Variants in WDR44 observed in about 807,000 individuals in gnomAD.
The protein encoded by WDR44 is WD repeat domain 44, also known as WD repeat-containing protein 44.
In WDR44, 9 loss-of-function variants were observed where a neutral mutation model predicts 65.7. That is an observed-to-expected ratio of 0.14 (90% CI 0.08 to 0.24). WDR44 has a LOEUF of 0.24. Among genes scored for constraint, WDR44 ranks in the 10% least tolerant of loss-of-function variants. The probability of loss-of-function intolerance (pLI) is 1.00; values close to 1 mark genes in which losing one functional copy is unlikely to be tolerated. For synonymous variants in WDR44, 220 were observed against 235.2 expected (o/e 0.94, Z 0.59); for missense variants, 425 against 670.9 (o/e 0.63, Z 4.05).
intron 7 of WDR44, 50 bp downstream of exon 7, chrX:118,397,156 A>G: frequency 9.4e-7 from 1 of 1,064,744 alleles, no homozygotes; most frequent in Non-Finnish European, 1.2e-6. Flanking sequence ...AGAGTTGTTA[A>G]GATTTCTCTG....
intron 12 of WDR44, among the ~76,000 whole-genome samples, chrX:118,429,650 C>G (rs756345763): frequency 2.5e-4 from 27 of 109,580 alleles, no homozygotes; most frequent in Admixed American, 2.2e-3. Flanking sequence ...GATTCATGTT[C>G]CAGGGCATTC....
intron 12 of WDR44, among the ~76,000 whole-genome samples, chrX:118,413,370 A>G (rs764936714): frequency 2.7e-5 from 3 of 111,965 alleles, no homozygotes; most frequent in Non-Finnish European, 5.6e-5. Context: ...TTGATTTTTT[A>G]TTATGGCCAT....
intron 9 of WDR44, among the ~76,000 whole-genome samples, chrX:118,405,342 A>G (rs1012914417): frequency 9.4e-6 from 1 of 106,452 alleles, no homozygotes; most frequent in Non-Finnish European, 1.9e-5. Flanking sequence ...GGCCAAGGCT[A>G]TTTTTTTCTT....
chrX:118,397,836 A>G (rs1320403938), intron 7 of WDR44, among the ~76,000 whole-genome samples: 1 of 112,423 alleles, frequency 8.9e-6, no homozygotes, highest in Non-Finnish European at 1.9e-5. Flanking sequence ...TAGGTTTTTC[A>G]TAAATTTCTA....
chrX:118,354,070 T>C (rs1249232149), intron 1 of WDR44, among the ~76,000 whole-genome samples: 1 of 111,254 alleles, frequency 9.0e-6, no homozygotes, highest in Non-Finnish European at 1.9e-5. Flanking sequence ...AATCTCAGAA[T>C]TCATGTAACT....
chrX:118,403,445 C>T (rs1234915054), intron 8 of WDR44, among the ~76,000 whole-genome samples: 1 of 111,373 alleles, frequency 9.0e-6, no homozygotes, highest in African/African-American at 3.3e-5. Context: ...TGAGGTTTGC[C>T]TCATTAATTT....
intron 1 of WDR44, among the ~76,000 whole-genome samples, chrX:118,352,384 G>C (rs2056422912): frequency 1.8e-5 from 1 of 56,297 alleles, no homozygotes; most frequent in East Asian, 5.4e-4. Flanking sequence ...GTAGAGATGG[G>C]GTTTCACCAT....
chrX:118,393,410 T>C, intron 4 of WDR44, 139 bp downstream of exon 4: 1 of 632,688 alleles, frequency 1.6e-6, no homozygotes, highest in South Asian at 3.4e-5. Flanking sequence ...CAAAACCCCA[T>C]CTGAGCAACA....
At chrX:118,405,350 C>T (rs980612022) in intron 9 of WDR44, among the ~76,000 whole-genome samples, 1 of 109,474 alleles carries the variant, frequency 9.1e-6, no homozygotes, top group Non-Finnish European at 1.9e-5. Flanking sequence ...CTATTTTTTT[C>T]TTTTTTGGAG....
chrX:118,351,016 C>T (rs2056398815), intron 1 of WDR44, among the ~76,000 whole-genome samples: 1 of 111,877 alleles, frequency 8.9e-6, no homozygotes, highest in Non-Finnish European at 1.9e-5. Context: ...GCTGGCTATT[C>T]CTGCCATAGG....
intron 17 of WDR44, 25 bp from the exon 18 acceptor site, chrX:118,443,535 C>A: frequency 8.3e-7 from 1 of 1,202,256 alleles, no homozygotes. Flanking sequence ...ATTTTATTTG[C>A]TTTTCCTTTC....
chrX:118,377,813 G>C (rs2056675524), intron 1 of WDR44, among the ~76,000 whole-genome samples: 1 of 100,319 alleles, frequency 1.0e-5, no homozygotes, highest in African/African-American at 3.8e-5. Flanking sequence ...CTGCATCCTT[G>C]AATTCCTGGG....
chrX:118,358,998 C>T (rs987113353), intron 1 of WDR44, among the ~76,000 whole-genome samples: 1 of 109,985 alleles, frequency 9.1e-6, no homozygotes, highest in South Asian at 3.9e-4. Context: ...CCCTTGAACC[C>T]GGGAAACAGA....
intron 13 of WDR44, among the ~76,000 whole-genome samples, chrX:118,433,285 G>A (rs1250172724): frequency 9.0e-6 from 1 of 111,346 alleles, no homozygotes; most frequent in Non-Finnish European, 1.9e-5. Context: ...ATGATTTGAT[G>A]CTATTGATCT....
intron 13 of WDR44, among the ~76,000 whole-genome samples, chrX:118,434,688 C>T (rs765223836): frequency 4.5e-4 from 50 of 111,620 alleles, no homozygotes; most frequent in African/African-American, 1.6e-3. Context: ...AACCCCTCCA[C>T]CCCACCTCCA....
intron 12 of WDR44, among the ~76,000 whole-genome samples, chrX:118,429,120 G>A (rs915829266): frequency 5.4e-5 from 6 of 110,863 alleles, no homozygotes; most frequent in African/African-American, 2.0e-4. Flanking sequence ...CCTAGGTGAT[G>A]GGTTGATAAG....
intron 8 of WDR44, among the ~76,000 whole-genome samples, chrX:118,399,548 C>A (rs1207860201): frequency 1.8e-5 from 2 of 111,499 alleles, no homozygotes; most frequent in Non-Finnish European, 3.8e-5. Context: ...TAAGGAATTA[C>A]TACAATTATT....
chrX:118,375,750 G>T (rs1465371344), intron 1 of WDR44, among the ~76,000 whole-genome samples: 1 of 111,204 alleles, frequency 9.0e-6, no homozygotes, highest in Non-Finnish European at 1.9e-5. Flanking sequence ...TTTCATTTCT[G>T]GAAATTGTCC....
Position 118,389,995 on chromosome X carries a change from G to A in WDR44, c.186+2581G>A, listed in dbSNP as rs373989298. ...TGCAACCTCCACCTCCTGGGTTGAA[G>A]CAATTCTTCTGCCTCAGCCTCCCAA... On this transcript the variant is annotated intron_variant, in intron 3 of 19. Transcript: ENST00000254029. 1.1e-3 allele frequency among the ~76,000 whole-genome samples: 125 copies of A among 109,837 alleles called. 3 individuals carry two copies. In the South Asian group the frequency reaches 0.05, roughly 44 times the overall value.
Sources: allele counts gnomAD v4.1 joint callset (sites outside exome capture counted in the v4.1 genomes callset), GRCh38; gene constraint gnomAD v4.1.1; transcripts MANE v1.5; gene names NCBI Gene and HGNC (gene_info 2026-07-23, HGNC 2026-07-21).